Variants in IQCJ observed in about 807,000 individuals in gnomAD.
IQCJ encodes the protein IQ motif containing J.
In IQCJ, 9 loss-of-function variants were observed where a neutral mutation model predicts 11.0. The ratio of observed to expected loss-of-function variants is 0.82; its 90% CI spans 0.49 to 1.43. IQCJ has a LOEUF of 1.43. Among genes scored for constraint, IQCJ ranks in the 40% most tolerant of loss-of-function variants. The pLI is 0.00. For missense variants in IQCJ, 146 were observed against 133.2 expected, an observed-to-expected ratio of 1.10 and a Z score of -0.47; for synonymous variants, 55 against 51.3, an observed-to-expected ratio of 1.07 and a Z score of -0.31.
chr3:159,108,544 A>C (rs892167343), intron 1 of IQCJ, among the ~76,000 whole-genome samples: 3 of 152,224 alleles, frequency 2.0e-5, no homozygotes, highest in African/African-American at 7.2e-5. Context: ...TGTTTGTAAA[A>C]ATACCTTATA....
intron 1 of IQCJ, among the ~76,000 whole-genome samples, chr3:159,227,899 T>G (rs767930821): frequency 5.9e-5 from 9 of 152,134 alleles, no homozygotes; most frequent in Non-Finnish European, 1.3e-4. Flanking sequence ...ATTGAAGAGA[T>G]AGGGGTAAAG....
Position 159,135,637 on chromosome 3 carries a change from T to C in IQCJ, c.9+66196T>C, listed in dbSNP as rs182720247. On this transcript the variant is annotated intron_variant, in intron 1 of 3. Transcript: ENST00000397832. Reference sequence around the variant, plus strand: ...TCAAGACATAGAGAGGGAAAGATAATGGAAGAGTGTACATGGAAGGTTTTA... The same window carrying C: ...TCAAGACATAGAGAGGGAAAGATAACGGAAGAGTGTACATGGAAGGTTTTA... 1.1e-3 allele frequency among the ~76,000 whole-genome samples: 174 copies of C among 152,238 alleles called. 1 individual carries two copies. Among genetic ancestry groups the C allele is most frequent in the Admixed American group, 2.8e-3 (43 of 15,300 alleles).
intron 1 of IQCJ, among the ~76,000 whole-genome samples, chr3:159,193,987 A>ATGTCCAAAACCCCT (rs1723838584): frequency 6.6e-6 from 1 of 152,198 alleles, no homozygotes; most frequent in Non-Finnish European, 1.5e-5. Context: ...AGGGGTATAG[A>ATGTCCAAAACCCCT]TGTCCAAAAA....
Position 159,092,304 on chromosome 3 carries a change from T to C in IQCJ, c.9+22863T>C, listed in dbSNP as rs560082501. On this transcript the variant is annotated intron_variant, in intron 1 of 3. Transcript: ENST00000397832. ...CAAGTGGCTGGTATCTTTGGGACTG[T>C]TATAGCTATGGACAGACCAAACAGA... is the stretch of plus-strand genomic sequence containing the variant. Among the ~76,000 whole-genome samples the C allele has an allele frequency of 2.6e-5, 4 of 152,020 alleles. No individual in the cohort carries two copies. In the East Asian group the frequency reaches 7.7e-4, roughly 29 times the overall value.
chr3:159,125,761 T>C (rs1222009277), intron 1 of IQCJ, among the ~76,000 whole-genome samples: 3 of 152,212 alleles, frequency 2.0e-5, no homozygotes, highest in African/African-American at 7.2e-5. Flanking sequence ...ACATTCCAAA[T>C]TTCAAGTTCA....
intron 1 of IQCJ, among the ~76,000 whole-genome samples, chr3:159,095,158 A>G (rs1375819235): frequency 6.6e-6 from 1 of 151,810 alleles, no homozygotes; most frequent in Admixed American, 6.5e-5. Flanking sequence ...ACTCTAAAAT[A>G]CCCTTATACC....
At chr3:159,172,164 A>T (rs577606050) in intron 1 of IQCJ, among the ~76,000 whole-genome samples, 1 of 152,184 alleles carries the variant, frequency 6.6e-6, no homozygotes, top group South Asian at 2.1e-4. Flanking sequence ...ATTGATTTTT[A>T]TAATGGTCAA....
chr3:159,131,693 C>A (rs1345133329), intron 1 of IQCJ, among the ~76,000 whole-genome samples: 2 of 152,186 alleles, frequency 1.3e-5, no homozygotes, highest in African/African-American at 4.8e-5. Flanking sequence ...CACCTCTGCA[C>A]TCCTTTCATT....
downstream of IQCJ, among the ~76,000 whole-genome samples, chr3:159,264,706 G>A (rs1025215964): frequency 6.6e-5 from 10 of 152,256 alleles, no homozygotes; most frequent in Middle Eastern, 0.01. Context: ...GAGGTCAGGA[G>A]TTTGAGATCA....
intron 1 of IQCJ, among the ~76,000 whole-genome samples, chr3:159,154,855 T>C (rs1248056596): frequency 6.6e-6 from 1 of 152,176 alleles, no homozygotes; most frequent in East Asian, 1.9e-4. Context: ...CATCGACTAC[T>C]TTTCTGATTT....
intron 1 of IQCJ, among the ~76,000 whole-genome samples, chr3:159,176,183 AG>A (rs772899243): frequency 2.0e-5 from 3 of 150,850 alleles, no homozygotes; most frequent in Admixed American, 6.6e-5. Context: ...TATGCATAAA[AG>A]TCTTTAATAA....
intron 1 of IQCJ, among the ~76,000 whole-genome samples, chr3:159,076,456 G>T (rs756762708): frequency 4.0e-4 from 61 of 152,188 alleles, no homozygotes; most frequent in Middle Eastern, 3.4e-3. Flanking sequence ...TAGCAAGGAT[G>T]ACCCCATTTA....
intron 1 of IQCJ, among the ~76,000 whole-genome samples, chr3:159,134,141 T>C (rs1720153688): frequency 1.3e-5 from 2 of 152,062 alleles, no homozygotes; most frequent in African/African-American, 4.8e-5. Flanking sequence ...AGGCTGCCTG[T>C]GGTTCCTAGA....
At chr3:159,227,429 A>G (rs919578569) in intron 1 of IQCJ, among the ~76,000 whole-genome samples, 1 of 152,136 alleles carries the variant, frequency 6.6e-6, no homozygotes, top group African/African-American at 2.4e-5. Flanking sequence ...GTGGGATGAA[A>G]TATCAAGATT....
intron 1 of IQCJ, among the ~76,000 whole-genome samples, chr3:159,123,289 G>T (rs544724919): frequency 2.6e-5 from 4 of 152,052 alleles, no homozygotes; most frequent in African/African-American, 9.7e-5. Context: ...AGTAGTGTGG[G>T]CTCTCTGTCT....
intron 1 of IQCJ, among the ~76,000 whole-genome samples, chr3:159,238,129 A>T (rs963381970): frequency 6.6e-6 from 1 of 152,160 alleles, no homozygotes; most frequent in Non-Finnish European, 1.5e-5. Flanking sequence ...TGGAGCAGTT[A>T]TGGGAATATG....
chr3:159,121,399 G>A (rs886857344), intron 1 of IQCJ, among the ~76,000 whole-genome samples: 1 of 152,082 alleles, frequency 6.6e-6, no homozygotes, highest in Non-Finnish European at 1.5e-5. Context: ...CTCCCAAAGT[G>A]TTAGGATTAC....
intron 3 of IQCJ, among the ~76,000 whole-genome samples, chr3:159,261,658 TA>T (rs1728214742): frequency 6.6e-6 from 1 of 152,226 alleles, no homozygotes; most frequent in Non-Finnish European, 1.5e-5. Flanking sequence ...CTTTTCTTAA[TA>T]AATTACCCAG....
intron 1 of IQCJ, among the ~76,000 whole-genome samples, chr3:159,141,605 G>GA (rs748373275): frequency 2.0e-4 from 31 of 152,322 alleles, no homozygotes; most frequent in Admixed American, 5.9e-4. Flanking sequence ...GAGAGTAGTA[G>GA]AAAGTCTCTT....
Sources: allele counts gnomAD v4.1 joint callset (sites outside exome capture counted in the v4.1 genomes callset), GRCh38; gene constraint gnomAD v4.1.1; transcripts MANE v1.5; gene names NCBI Gene and HGNC (gene_info 2026-07-23, HGNC 2026-07-21).